The following SMYD3 variants were observed in gnomAD, a reference collection of about 807,000 sequenced individuals.
SMYD3 encodes the protein histone-lysine N-methyltransferase SMYD3.
In SMYD3, 36 loss-of-function variants were observed where a neutral mutation model predicts 57.7. The ratio of observed to expected loss-of-function variants is 0.62; its 90% CI spans 0.48 to 0.82. SMYD3 has a LOEUF of 0.82. Among genes scored for constraint, SMYD3 ranks in the 40% least tolerant of loss-of-function variants. The probability of loss-of-function intolerance (pLI) is 0.00; values close to 1 mark genes in which losing one functional copy is unlikely to be tolerated. For missense variants in SMYD3, 515 were observed against 538.8 expected (o/e 0.96, Z 0.44); for synonymous variants, 211 against 195.0 (o/e 1.08, Z -0.68).
chr1:245,756,115 TAC>T (rs1022451344), intron 11 of SMYD3, among the ~76,000 whole-genome samples: 12 of 148,424 alleles, frequency 8.1e-5, no homozygotes, highest in South Asian at 4.2e-4. Flanking sequence ...TATATATATA[TAC>T]ACACACATAT....
rs570696998 is a variant in SMYD3 at position 245,816,997 on chromosome 1, C to A, written c.1076+41499G>T. On this transcript the variant is annotated intron_variant, in intron 10 of 11. Transcript: ENST00000490107. Reference sequence around the variant, plus strand: ...GGGCGCCCGCCATTGCCCAGGCTTGCTTAGGTAAACAAAGCAGCCGGGAAG... The same window carrying A: ...GGGCGCCCGCCATTGCCCAGGCTTGATTAGGTAAACAAAGCAGCCGGGAAG... Among the ~76,000 whole-genome samples, 963 of 151,552 alleles carry A rather than the reference C, an allele frequency of 6.4e-3. 4 individuals carry two copies. The highest frequency in any genetic ancestry group is 8.0e-3 in the Non-Finnish European group (544 of 67,720).
chr1:246,441,174 C>T (rs577095719), intron 1 of SMYD3, among the ~76,000 whole-genome samples: 2 of 152,312 alleles, frequency 1.3e-5, no homozygotes, highest in African/African-American at 4.8e-5. Flanking sequence ...TAGGAGTTTA[C>T]AGGAAGATCT....
At chr1:246,089,714 T>G (rs1321995931) in intron 5 of SMYD3, among the ~76,000 whole-genome samples, 1 of 152,178 alleles carries the variant, frequency 6.6e-6, no homozygotes, top group East Asian at 1.9e-4. Context: ...GGTAGAAAAC[T>G]GCCCCTTTAT....
In SMYD3 at chr1:245,817,294, C is replaced by T. The variant is rs1219744242; in HGVS notation, c.1076+41202G>A. Among the ~76,000 whole-genome samples, 11 of 136,646 alleles carry T rather than the reference C, an allele frequency of 8.1e-5. 1 individual carries two copies. The highest frequency in any genetic ancestry group is 4.1e-4 in the East Asian group (2 of 4,848). 89.6% of individuals were successfully genotyped at this position (136,646 alleles called of 152,430 possible). On this transcript the variant is annotated intron_variant, in intron 10 of 11. Transcript: ENST00000490107. The stretch of plus-strand genomic sequence containing the variant: ...ACCCCCCAGCAGGGGCACACTGACA[C>T]CTCACATGGCAGGGTATTCCAACAG...
At chr1:246,115,234 C>A (rs1026905837) in intron 5 of SMYD3, among the ~76,000 whole-genome samples, 3 of 152,132 alleles carry the variant, frequency 2.0e-5, no homozygotes, top group African/African-American at 7.2e-5. Context: ...TGGGACAGGA[C>A]CAGCTGAAAG....
At chr1:245,977,242 T>C (rs995510408) in intron 5 of SMYD3, among the ~76,000 whole-genome samples, 3 of 152,170 alleles carry the variant, frequency 2.0e-5, no homozygotes, top group Non-Finnish European at 2.9e-5. Context: ...CAGAAGAAAA[T>C]TGAAACTTCT....
chr1:246,040,151 C>T (rs542880727), intron 5 of SMYD3, among the ~76,000 whole-genome samples: 112 of 152,276 alleles, frequency 7.4e-4, no homozygotes, highest in Admixed American at 1.2e-3. Context: ...TATTCTAACA[C>T]GTGGTTTGCA....
At chr1:246,111,724 A>C (rs1456489933) in intron 5 of SMYD3, among the ~76,000 whole-genome samples, 1 of 152,216 alleles carries the variant, frequency 6.6e-6, no homozygotes, top group Non-Finnish European at 1.5e-5. Context: ...CTGCTAGTTT[A>C]TGTAATACCA....
At chr1:246,045,752 C>A (rs1208061099) in intron 5 of SMYD3, among the ~76,000 whole-genome samples, 1 of 152,114 alleles carries the variant, frequency 6.6e-6, no homozygotes, top group Non-Finnish European at 1.5e-5. Flanking sequence ...GGCTAATATC[C>A]AGAAACTATG....
chr1:246,061,362 A>G (rs2060249204), intron 5 of SMYD3, among the ~76,000 whole-genome samples: 1 of 152,214 alleles, frequency 6.6e-6, no homozygotes, highest in South Asian at 2.1e-4. Flanking sequence ...ATGTGCTGAT[A>G]GAGTTTCTTT....
At chr1:245,921,547 G>GTATATATATATATA (rs1491323831) in intron 7 of SMYD3, among the ~76,000 whole-genome samples, 1,578 of 34,756 alleles carry the variant, frequency 0.045, 82 homozygotes, top group South Asian at 0.12. Flanking sequence ...AAAAAATGTG[G>GTATATATATATATA]TGTATATATA....
At chr1:246,481,688 G>A (rs1188297441) in intron 1 of SMYD3, among the ~76,000 whole-genome samples, 1 of 137,930 alleles carries the variant, frequency 7.3e-6, no homozygotes, top group Non-Finnish European at 1.5e-5. Flanking sequence ...TCATATATGA[G>A]TATATATGAT....
intron 8 of SMYD3, among the ~76,000 whole-genome samples, chr1:245,867,350 T>C (rs2051912673): frequency 6.6e-6 from 1 of 152,194 alleles, no homozygotes; most frequent in Non-Finnish European, 1.5e-5. Flanking sequence ...AACTCTAAAA[T>C]AATAAATCTG....
intron 10 of SMYD3, among the ~76,000 whole-genome samples, chr1:245,786,638 C>T (rs893122880): frequency 9.9e-5 from 15 of 151,612 alleles, no homozygotes; most frequent in African/African-American, 3.6e-4. Flanking sequence ...TGAGTACAAA[C>T]AAGCTGGCAG....
chr1:246,392,992 T>C (rs1393305279), intron 1 of SMYD3, among the ~76,000 whole-genome samples: 1 of 152,034 alleles, frequency 6.6e-6, no homozygotes, highest in Non-Finnish European at 1.5e-5. Flanking sequence ...AATACAGGTG[T>C]TGACAAAAAT....
chr1:246,198,750 C>A (rs1346607860), intron 5 of SMYD3, among the ~76,000 whole-genome samples: 1 of 152,082 alleles, frequency 6.6e-6, no homozygotes, highest in Middle Eastern at 3.2e-3. Flanking sequence ...CCAGTATGAA[C>A]AATCAAAGGT....
chr1:246,328,067 G>A (rs1472144438), intron 4 of SMYD3, among the ~76,000 whole-genome samples: 2 of 152,036 alleles, frequency 1.3e-5, no homozygotes, highest in African/African-American at 4.8e-5. Flanking sequence ...GGTGGTGTGC[G>A]CCTGTAATCC....
At chr1:245,942,917 A>G (rs2057300424) in intron 5 of SMYD3, among the ~76,000 whole-genome samples, 1 of 152,196 alleles carries the variant, frequency 6.6e-6, no homozygotes, top group Admixed American at 6.5e-5. Context: ...GCAGAAATGA[A>G]GAAGTTCTTT....
chr1:246,149,919 T>A lies in SMYD3; in HGVS notation c.531+177282A>T, dbSNP rs182482264. Among the ~76,000 whole-genome samples, 7 of 152,322 alleles carry A rather than the reference T, an allele frequency of 4.6e-5. No individual in the cohort carries two copies. The East Asian group carries it at 1.3e-3, about 29-fold the overall frequency. ...TCCTCTGTCTGCCATTTAACCCATG[T>A]CCTAAGAAATTTATGATTCTACACA... On this transcript the variant is annotated intron_variant, in intron 5 of 11. Coordinates refer to ENST00000490107, the MANE Select transcript of SMYD3 (RefSeq NM_001167740.2).
Sources: allele counts gnomAD v4.1 joint callset (sites outside exome capture counted in the v4.1 genomes callset), GRCh38; gene constraint gnomAD v4.1.1; transcripts MANE v1.5; gene names NCBI Gene and HGNC (gene_info 2026-07-23, HGNC 2026-07-21).